The following HEMK2 variants were observed in gnomAD, a reference collection of about 807,000 sequenced individuals.
The protein encoded by HEMK2 is HemK methyltransferase 2, ETF1 glutamine and histone H4 lysine.
the HEMK2 span, among the ~76,000 whole-genome samples, chr21:28,589,044 T>C: frequency 7.3e-5 from 11 of 150,334 alleles, no homozygotes; most frequent in African/African-American, 2.7e-4. Context: ...TATCCCTAAG[T>C]GAAAAAACAC....
the HEMK2 span, among the ~76,000 whole-genome samples, chr21:28,753,937 G>A: frequency 2.0e-5 from 3 of 152,262 alleles, no homozygotes; most frequent in East Asian, 1.9e-4. Flanking sequence ...TTTTCATGGC[G>A]TGCAATAATA....
chr21:28,584,487 T>G, the HEMK2 span, among the ~76,000 whole-genome samples: 407 of 152,278 alleles, frequency 2.7e-3, no homozygotes, highest in Non-Finnish European at 4.5e-3. Context: ...TAATAATATC[T>G]TAGATCAAAG....
the HEMK2 span, among the ~76,000 whole-genome samples, chr21:28,633,639 T>C: frequency 6.6e-6 from 1 of 152,184 alleles, no homozygotes; most frequent in South Asian, 2.1e-4. Flanking sequence ...TAACAGGAAC[T>C]GTGAACCCTT....
At chr21:28,674,167 G>A in the HEMK2 span, among the ~76,000 whole-genome samples, 1 of 152,096 alleles carries the variant, frequency 6.6e-6, no homozygotes, top group Non-Finnish European at 1.5e-5. Flanking sequence ...TCCCATTAGC[G>A]CCATGACAGT....
chr21:28,627,014 G>T, the HEMK2 span, among the ~76,000 whole-genome samples: 3 of 152,260 alleles, frequency 2.0e-5, no homozygotes, highest in Middle Eastern at 3.4e-3. Flanking sequence ...GAATGAATAT[G>T]CCAATTGTGG....
At chr21:28,834,145 A>G in the HEMK2 span, among the ~76,000 whole-genome samples, 5 of 152,192 alleles carry the variant, frequency 3.3e-5, no homozygotes, top group African/African-American at 1.2e-4. Flanking sequence ...GACTCGCTCA[A>G]TCATGGCAGA....
chr21:28,618,576 T>C, the HEMK2 span, among the ~76,000 whole-genome samples: 1 of 152,184 alleles, frequency 6.6e-6, no homozygotes, highest in Non-Finnish European at 1.5e-5. Context: ...GTGAACCTCA[T>C]TTAACTGTAT....
At chr21:28,883,462 A>C in the HEMK2 span, among the ~76,000 whole-genome samples, 1 of 152,212 alleles carries the variant, frequency 6.6e-6, no homozygotes, top group Non-Finnish European at 1.5e-5. Flanking sequence ...TATTATTACA[A>C]AATTTATTTT....
the HEMK2 span, chr21:28,880,020 C>A: frequency 1.8e-6 from 2 of 1,141,322 alleles, no homozygotes; most frequent in East Asian, 2.5e-5. Flanking sequence ...ACAAATTAAT[C>A]TTTAAAAATA....
chr21:28,876,261 C>T, the HEMK2 span: 11 of 578,574 alleles, frequency 1.9e-5, no homozygotes, highest in Non-Finnish European at 2.7e-5. Flanking sequence ...GGGAATGTTC[C>T]ACCTTTCTAC....
the HEMK2 span, among the ~76,000 whole-genome samples, chr21:28,618,902 G>A: frequency 1.3e-5 from 2 of 152,120 alleles, no homozygotes; most frequent in Admixed American, 6.5e-5. Context: ...GAACTGAATT[G>A]TGTCTACTAA....
At chr21:28,846,695 G>A in the HEMK2 span, among the ~76,000 whole-genome samples, 1 of 152,038 alleles carries the variant, frequency 6.6e-6, no homozygotes, top group African/African-American at 2.4e-5. Context: ...TAGGTAAATT[G>A]TGTGTTGCAG....
At chr21:28,677,177 G>A in the HEMK2 span, among the ~76,000 whole-genome samples, 1 of 152,200 alleles carries the variant, frequency 6.6e-6, no homozygotes, top group African/African-American at 2.4e-5. Flanking sequence ...ACAGCACCTG[G>A]AAAATCGGGT....
At chr21:28,595,125 T>C in the HEMK2 span, among the ~76,000 whole-genome samples, 1 of 152,252 alleles carries the variant, frequency 6.6e-6, no homozygotes, top group African/African-American at 2.4e-5. Context: ...AATCGCATCA[T>C]GGAAGATGGG....
chr21:28,704,459 A>G, the HEMK2 span, among the ~76,000 whole-genome samples: 1 of 152,028 alleles, frequency 6.6e-6, no homozygotes, highest in African/African-American at 2.4e-5. Flanking sequence ...TGGGTGAGAA[A>G]CAAGTGATTA....
chr21:28,645,986 G>C, the HEMK2 span, among the ~76,000 whole-genome samples: 1 of 152,192 alleles, frequency 6.6e-6, no homozygotes, highest in Admixed American at 6.5e-5. Context: ...TAAGGATAGA[G>C]CTGGGATTCG....
chr21:28,841,261 T>TA, the HEMK2 span, among the ~76,000 whole-genome samples: 1 of 6,418 alleles, frequency 1.6e-4, no homozygotes, highest in African/African-American at 1.2e-3. Context: ...ATATTATATA[T>TA]AATATATATT....
the HEMK2 span, among the ~76,000 whole-genome samples, chr21:28,703,451 T>A: frequency 6.6e-6 from 1 of 152,176 alleles, no homozygotes; most frequent in Non-Finnish European, 1.5e-5. Flanking sequence ...GCCAACCTCA[T>A]TAAGCACCAG....
the HEMK2 span, among the ~76,000 whole-genome samples, chr21:28,885,032 A>T: frequency 6.6e-6 from 1 of 151,988 alleles, no homozygotes; most frequent in Admixed American, 6.6e-5. Context: ...TCCCCGGCAC[A>T]CTCATTACTT....
Sources: gnomAD v4.1 joint callset for allele counts (sites outside exome capture counted in the v4.1 genomes callset) on GRCh38, gnomAD v4.1.1 for gene constraint, MANE v1.5 for transcripts, NCBI Gene and HGNC (gene_info 2026-07-23, HGNC 2026-07-21) for gene names.